The following MAP3K15 variants were observed in gnomAD, a reference collection of about 807,000 sequenced individuals.
MAP3K15 encodes MAPK/ERK kinase kinase 15.
MAP3K15 carries 124 observed loss-of-function variants against 99.5 expected under a neutral mutation model. The ratio of observed to expected loss-of-function variants is 1.25; its 90% CI spans 1.08 to 1.45. MAP3K15 has a LOEUF of 1.45. Ranked by LOEUF, MAP3K15 falls within the 40% of genes most tolerant of loss-of-function variation. The probability of loss-of-function intolerance (pLI) is 0.00; values close to 1 mark genes in which losing one functional copy is unlikely to be tolerated. For missense variants in MAP3K15, 1,242 were observed against 1,079.7 expected (o/e 1.15, Z -2.11); for synonymous variants, 494 against 439.6 (o/e 1.12, Z -1.55).
intron 6 of MAP3K15, among the ~76,000 whole-genome samples, chrX:19,454,793 A>T (rs2064080399): frequency 8.9e-6 from 1 of 112,138 alleles, no homozygotes; most frequent in Non-Finnish European, 1.9e-5. Flanking sequence ...CGGGACCAGA[A>T]GTGCTTTGGA....
At chrX:19,399,091 G>A (rs1024236513) in intron 14 of MAP3K15, among the ~76,000 whole-genome samples, 9 of 112,020 alleles carry the variant, frequency 8.0e-5, no homozygotes, top group African/African-American at 1.9e-4. Flanking sequence ...AATAGTCGGC[G>A]GGTATGTGGG....
intron 13 of MAP3K15, 92 bp downstream of exon 13, chrX:19,407,096 G>A: frequency 2.0e-6 from 1 of 504,261 alleles, no homozygotes. Flanking sequence ...AAGAAAGACA[G>A]TAATAGCAAG....
intron 3 of MAP3K15, among the ~76,000 whole-genome samples, chrX:19,477,647 T>C (rs2064252014): frequency 1.2e-5 from 1 of 82,726 alleles, no homozygotes; most frequent in African/African-American, 4.3e-5. Flanking sequence ...GAGGTGGAGG[T>C]TGCAATGAGC....
Position 19,360,359 on chromosome X carries a change from T to G in MAP3K15, c.*390A>C, listed in dbSNP as rs1030907395. ...CACCATTCCAGCAAGTGCTGAAGGG[T>G]GTACTTTTTTTGAGACAGGGTCGGG... On this transcript the variant is annotated 3_prime_UTR_variant, in exon 29 of 29. Transcript: ENST00000338883. The G allele has an allele frequency of 1.9e-5, 3 of 154,968 alleles. No individual in the cohort carries two copies. Among genetic ancestry groups the G allele is most frequent in the Non-Finnish European group, 3.6e-5 (3 of 82,517 alleles). The allele number at this position is 154,968 out of a possible 1,213,427, so 12.8% of individuals were successfully genotyped here. A position where few individuals can be genotyped will look rare whatever the true frequency, so the allele number is the denominator to read the frequency against.
chrX:19,399,739 C>CA (rs777947449), intron 14 of MAP3K15, among the ~76,000 whole-genome samples: 3,649 of 35,205 alleles, frequency 0.1, 434 homozygotes, highest in African/African-American at 0.13. Context: ...ACTCTGTTTC[C>CA]AAAAAAAAAA....
chrX:19,476,665 G>GA (rs779076501), intron 3 of MAP3K15, among the ~76,000 whole-genome samples: 164 of 111,844 alleles, frequency 1.5e-3, no homozygotes, highest in African/African-American at 5.2e-3. Flanking sequence ...GTCATAGGAG[G>GA]AAAAAAATAT....
intron 25 of MAP3K15, among the ~76,000 whole-genome samples, chrX:19,364,166 C>A (rs991442069): frequency 8.9e-6 from 1 of 112,174 alleles, no homozygotes; most frequent in Non-Finnish European, 1.9e-5. Context: ...GCTGAGGTAA[C>A]TGAGGCAGAG....
At chrX:19,490,637 T>C (rs1177953757) in intron 1 of MAP3K15, among the ~76,000 whole-genome samples, 2 of 109,650 alleles carry the variant, frequency 1.8e-5, no homozygotes, top group Admixed American at 2.0e-4. Flanking sequence ...TAGTCCCAGT[T>C]ATTCAGGAGG....
chrX:19,448,221 C>T (rs964622836), intron 6 of MAP3K15, among the ~76,000 whole-genome samples: 2 of 109,190 alleles, frequency 1.8e-5, no homozygotes, highest in Non-Finnish European at 3.9e-5. Context: ...TGTCCACATG[C>T]GATTGATTCA....
chrX:19,453,584 A>G (rs1353168032), intron 6 of MAP3K15, among the ~76,000 whole-genome samples: 1 of 110,407 alleles, frequency 9.1e-6, no homozygotes, highest in Non-Finnish European at 1.9e-5. Flanking sequence ...TTATTGACCA[A>G]GTGTTACATT....
intron 6 of MAP3K15, among the ~76,000 whole-genome samples, chrX:19,435,452 G>T (rs5955783): frequency 0.2 from 22,208 of 110,643 alleles, 4,259 homozygotes; most frequent in African/African-American, 0.61. Flanking sequence ...TGCCTAATTA[G>T]TGATATGAGC....
rs765620260 is a variant in MAP3K15, at chrX:19,367,469, A to G, written c.3566+1585T>C. Among the ~76,000 whole-genome samples the G allele has an allele frequency of 7.3e-3, 568 of 78,153 alleles. 2 individuals are homozygous for G. The highest frequency in any genetic ancestry group is 0.014 in the Middle Eastern group (2 of 144). 67.9% of individuals were successfully genotyped at this position (78,153 alleles called of 115,157 possible). On this transcript the variant is annotated intron_variant, in intron 25 of 28. Coordinates refer to ENST00000338883, the MANE Select transcript of MAP3K15 (RefSeq NM_001001671.4). ...CCTGCACTTGTACTCTTGAACTTAAAAAAAAAAAAAAACTTTCAAAATGTT... is the reference window on the plus strand; with the variant it reads ...CCTGCACTTGTACTCTTGAACTTAAGAAAAAAAAAAAACTTTCAAAATGTT...
rs2063395284 is a variant in MAP3K15 at position 19,373,620 on chromosome X, G to C, written c.2849C>G (p.Ser950Cys). ...PMATSSSEHG[S>C]VSPDSDAQPD... is the part of the protein sequence containing the mutation. The stretch of plus-strand genomic sequence containing the variant: ...CTGGGCGTCGGAGTCTGGGGAGACA[G>C]AGCCGTGCTCGCTGCTGCTGGTGGC... The change falls in exon 21 of 29, where the codon TCT becomes TGT. Residue 950 changes from serine to cysteine, a missense_variant. Ser to Cys is a moderately radical substitution (Grantham distance 112, BLOSUM62 -1). Coordinates refer to ENST00000338883, the MANE Select transcript of MAP3K15 (RefSeq NM_001001671.4). 5 of 1,194,185 alleles carry C rather than the reference G, an allele frequency of 4.2e-6. No homozygotes were observed. The South Asian group carries it at 5.5e-5, about 13-fold the overall frequency.
intron 13 of MAP3K15, among the ~76,000 whole-genome samples, chrX:19,404,107 T>C (rs1387435255): frequency 1.8e-5 from 2 of 111,436 alleles, no homozygotes; most frequent in Admixed American, 9.6e-5. Context: ...ATATTGCACA[T>C]AGAAAACCCT....
At chrX:19,403,997 C>A (rs996358501) in intron 13 of MAP3K15, among the ~76,000 whole-genome samples, 1 of 111,584 alleles carries the variant, frequency 9.0e-6, no homozygotes, top group Non-Finnish European at 1.9e-5. Context: ...TATTTCTATT[C>A]CACATTGTGC....
chrX:19,442,793 G>A (rs2147329652), intron 6 of MAP3K15, among the ~76,000 whole-genome samples: 1 of 104,596 alleles, frequency 9.6e-6, no homozygotes, highest in Admixed American at 1.1e-4. Flanking sequence ...CACAATCTCG[G>A]CTCACTGCAA....
At chrX:19,452,871 G>A (rs773989674) in intron 6 of MAP3K15, among the ~76,000 whole-genome samples, 15 of 110,095 alleles carry the variant, frequency 1.4e-4, no homozygotes, top group Non-Finnish European at 2.5e-4. Flanking sequence ...TAGCTCATCA[G>A]CAATGGTTAG....
At chrX:19,372,526 C>T (rs2063382843) in intron 22 of MAP3K15, 127 bp downstream of exon 22, 2 of 571,439 alleles carry the variant, frequency 3.5e-6, no homozygotes, top group East Asian at 6.9e-5. Context: ...GAAACATTTA[C>T]AGTGATCACC....
intron 25 of MAP3K15, among the ~76,000 whole-genome samples, chrX:19,364,492 A>T (rs988699800): frequency 1.8e-5 from 2 of 111,415 alleles, no homozygotes; most frequent in African/African-American, 6.5e-5. Context: ...GCACCATAGA[A>T]TCCCTCTTCC....
Sources: allele counts gnomAD v4.1 joint callset (sites outside exome capture counted in the v4.1 genomes callset), GRCh38; gene constraint gnomAD v4.1.1; transcripts MANE v1.5; gene names NCBI Gene and HGNC (gene_info 2026-07-23, HGNC 2026-07-21).